FMNL2: variants seen among roughly 807,000 people sequenced by gnomAD.
The protein encoded by FMNL2 is formin like 2.
A neutral mutation model predicts 130.2 loss-of-function variants in FMNL2; 51 were observed. The observed-to-expected ratio is 0.39, with a 90% CI of 0.31 to 0.49. FMNL2 has a LOEUF of 0.49. Ranked by LOEUF, FMNL2 falls within the 20% of genes least tolerant of loss-of-function variation. The pLI is 0.85. For synonymous variants in FMNL2, 465 were observed against 467.1 expected, an observed-to-expected ratio of 1.00 and a Z score of 0.06; for missense variants, 977 against 1,316.2, an observed-to-expected ratio of 0.74 and a Z score of 3.99.
chr2:152,456,324 C>G (rs1330069046), intron 1 of FMNL2, among the ~76,000 whole-genome samples: 3 of 152,146 alleles, frequency 2.0e-5, no homozygotes, highest in Non-Finnish European at 4.4e-5. Flanking sequence ...ACCTTGATCT[C>G]TTACCTGTTT....
At chr2:152,632,281 G>T in intron 21 of FMNL2, 144 bp downstream of exon 21, 1 of 1,123,094 alleles carries the variant, frequency 8.9e-7, no homozygotes, top group Non-Finnish European at 1.2e-6. Flanking sequence ...GAACACATCG[G>T]CCGTGGTGTT....
intron 25 of FMNL2, among the ~76,000 whole-genome samples, chr2:152,641,396 T>C (rs6738344): frequency 0.12 from 18,490 of 152,258 alleles, 1,403 homozygotes; most frequent in African/African-American, 0.21. Context: ...CAGCCAAGAA[T>C]TGTGTTAACC....
intron 1 of FMNL2, among the ~76,000 whole-genome samples, chr2:152,394,721 GT>G (rs11407117): frequency 0.14 from 19,858 of 143,580 alleles, 1,549 homozygotes; most frequent in African/African-American, 0.22. Flanking sequence ...TAACTGTTGG[GT>G]TTTTTTTTTT....
intron 1 of FMNL2, among the ~76,000 whole-genome samples, chr2:152,407,092 C>G (rs1251890129): frequency 6.6e-6 from 1 of 152,094 alleles, no homozygotes; most frequent in African/African-American, 2.4e-5. Flanking sequence ...TCTGAAAACT[C>G]TTTGCACAGT....
intron 20 of FMNL2, among the ~76,000 whole-genome samples, chr2:152,631,202 A>G (rs898493012): frequency 2.0e-5 from 3 of 151,930 alleles, no homozygotes; most frequent in Non-Finnish European, 2.9e-5. Flanking sequence ...CCTGGCCAAC[A>G]TGGCGAAACC....
In FMNL2 at chr2:152,554,361, T is replaced by A. The variant is rs372472045; in HGVS notation, c.360-4379T>A. Reference sequence around the variant, plus strand: ...GGTTGAGGCTACAGTAAGCCATGATTGTGCCACTGCACTTCAGCCTCAGCA... The same window carrying A: ...GGTTGAGGCTACAGTAAGCCATGATAGTGCCACTGCACTTCAGCCTCAGCA... On this transcript the variant is annotated intron_variant, in intron 4 of 25. Transcript: ENST00000288670. 8.3e-4 allele frequency among the ~76,000 whole-genome samples: 127 copies of A among 152,312 alleles called. 2 individuals carry two copies. The South Asian group carries it at 0.026, about 32-fold the overall frequency.
At chr2:152,562,143 T>A (rs781635744) in intron 6 of FMNL2, among the ~76,000 whole-genome samples, 3 of 152,244 alleles carry the variant, frequency 2.0e-5, no homozygotes, top group African/African-American at 4.8e-5. Flanking sequence ...AGATATCATC[T>A]AGAACAAGTT....
At chr2:152,513,844 A>G (rs1692612848) in intron 1 of FMNL2, among the ~76,000 whole-genome samples, 1 of 152,206 alleles carries the variant, frequency 6.6e-6, no homozygotes, top group Non-Finnish European at 1.5e-5. Context: ...TTCAATAAAA[A>G]TAACAGTGAC....
intron 7 of FMNL2, among the ~76,000 whole-genome samples, chr2:152,575,926 A>G (rs1047749600): frequency 6.6e-6 from 1 of 152,182 alleles, no homozygotes; most frequent in Non-Finnish European, 1.5e-5. Flanking sequence ...CCCCACTGTA[A>G]AAACACTGGA....
intron 1 of FMNL2, among the ~76,000 whole-genome samples, chr2:152,462,479 G>T (rs1216648902): frequency 6.6e-6 from 1 of 152,164 alleles, no homozygotes; most frequent in East Asian, 1.9e-4. Flanking sequence ...GTCATTCGGA[G>T]TTTACAAAGC....
chr2:152,355,906 T>C (rs1162461882), intron 1 of FMNL2, among the ~76,000 whole-genome samples: 1 of 152,216 alleles, frequency 6.6e-6, no homozygotes, highest in Non-Finnish European at 1.5e-5. Context: ...ATAAATAAAA[T>C]GTTACAGACA....
intron 18 of FMNL2, 81 bp from the exon 19 acceptor site, chr2:152,629,575 G>C: frequency 7.6e-7 from 1 of 1,308,800 alleles, no homozygotes; most frequent in Non-Finnish European, 1.1e-6. Flanking sequence ...GTTTTCTTCT[G>C]TCTTAATATT....
At chr2:152,527,923 A>G (rs1693476866) in intron 2 of FMNL2, among the ~76,000 whole-genome samples, 1 of 152,154 alleles carries the variant, frequency 6.6e-6, no homozygotes, top group Admixed American at 6.5e-5. Context: ...GGGAGGTAGT[A>G]TTAGAGATGA....
Position 152,560,974 on chromosome 2 carries a change from A to G in FMNL2, c.535A>G (p.Ser179Gly). 1 of 1,607,750 alleles carries G rather than the reference A, an allele frequency of 6.2e-7. No homozygotes were observed. Among genetic ancestry groups the G allele is most frequent in the Non-Finnish European group, 8.5e-7 (1 of 1,177,034 alleles). ...SRSIEDLHRG[S>G]NLPSPVGNSV... ...GTCCATCGAGGACCTGCACAGAGGG[A>G]GCAACCTGCCCTCACCTGTGGGCAA... The change falls in exon 6 of 26, where the codon AGC becomes GGC. Residue 179 changes from serine (S) to glycine (G), a missense_variant. Around this residue, in one of 4 missense-constraint regions of FMNL2, gnomAD observed 689 missense variants for 995.9 expected, o/e 0.69. Transcript: ENST00000288670.
chr2:152,618,389 ATGCTT>A (rs1167702192), intron 13 of FMNL2, among the ~76,000 whole-genome samples: 3 of 152,190 alleles, frequency 2.0e-5, no homozygotes, highest in African/African-American at 7.2e-5. Flanking sequence ...AGATTATTCC[ATGCTT>A]TGCAGATTTT....
At chr2:152,607,540 T>C in intron 10 of FMNL2, 127 bp downstream of exon 10, 2 of 693,100 alleles carry the variant, frequency 2.9e-6, no homozygotes, top group Non-Finnish European at 5.0e-6. Flanking sequence ...GAATTGCAAT[T>C]AATATGCTAT....
At chr2:152,457,809 A>G (rs993191487) in intron 1 of FMNL2, among the ~76,000 whole-genome samples, 4 of 152,174 alleles carry the variant, frequency 2.6e-5, no homozygotes, top group Non-Finnish European at 5.9e-5. Flanking sequence ...TCTAGGGGAC[A>G]ATCTGTTTCC....
chr2:152,590,121 A>G (rs1697351269), intron 9 of FMNL2, among the ~76,000 whole-genome samples: 1 of 150,442 alleles, frequency 6.6e-6, no homozygotes, highest in Non-Finnish European at 1.5e-5. Context: ...CCTGGCCTTA[A>G]GCAGTCCTCC....
At chr2:152,553,347 T>C (rs1206905783) in intron 4 of FMNL2, among the ~76,000 whole-genome samples, 1 of 152,212 alleles carries the variant, frequency 6.6e-6, no homozygotes, top group African/African-American at 2.4e-5. Context: ...TGTTAGGTAC[T>C]TTACGTTTGT....
Sources: gnomAD v4.1 joint callset for allele counts (sites outside exome capture counted in the v4.1 genomes callset) on GRCh38, gnomAD v4.1.1 for gene constraint, gnomAD v4.1.1 regional missense constraint, MANE v1.5 for transcripts, NCBI Gene and HGNC (gene_info 2026-07-23, HGNC 2026-07-21) for gene names.